SLC24A2: variants seen among roughly 807,000 people sequenced by gnomAD.
The protein encoded by SLC24A2 is sodium/potassium/calcium exchanger 2.
A neutral mutation model predicts 62.0 loss-of-function variants in SLC24A2; 36 were observed. That is an observed-to-expected ratio of 0.58 (90% CI 0.44 to 0.77). The LOEUF is 0.77. Ranked by LOEUF, SLC24A2 falls within the 30% of genes least tolerant of loss-of-function variation. SLC24A2 has a pLI of 0.00. For synonymous variants in SLC24A2, 358 were observed against 294.0 expected, an observed-to-expected ratio of 1.22 and a Z score of -2.23; for missense variants, 846 against 817.9, an observed-to-expected ratio of 1.03 and a Z score of -0.42.
chr9:20,127,035 T>C, the SLC24A2 span, among the ~76,000 whole-genome samples: 31 of 152,268 alleles, frequency 2.0e-4, no homozygotes, highest in African/African-American at 7.2e-4. Context: ...ATCTCTTTTT[T>C]TCTATAGATT....
chr9:19,565,224 T>G (rs1054323214), intron 7 of SLC24A2, among the ~76,000 whole-genome samples: 1 of 151,962 alleles, frequency 6.6e-6, no homozygotes, highest in Admixed American at 6.6e-5. Context: ...CCCCATTGTC[T>G]CAGCCCAAAA....
chr9:19,569,250 G>A (rs1297489699), intron 7 of SLC24A2, among the ~76,000 whole-genome samples: 1 of 152,148 alleles, frequency 6.6e-6, no homozygotes, highest in Admixed American at 6.5e-5. Context: ...TTGTCTCATG[G>A]GTCGTACAGA....
the SLC24A2 span, among the ~76,000 whole-genome samples, chr9:19,981,840 A>G: frequency 7.9e-5 from 12 of 152,144 alleles, no homozygotes; most frequent in African/African-American, 2.4e-4. Context: ...GTGTCTATTA[A>G]TATACATTTG....
the SLC24A2 span, among the ~76,000 whole-genome samples, chr9:20,063,638 A>G: frequency 2.6e-5 from 4 of 152,182 alleles, no homozygotes; most frequent in Non-Finnish European, 5.9e-5. Flanking sequence ...AACTTAAAGT[A>G]TAATAATAAA....
chr9:19,674,800 T>G (rs1819516698), intron 2 of SLC24A2, among the ~76,000 whole-genome samples: 1 of 152,202 alleles, frequency 6.6e-6, no homozygotes, highest in Admixed American at 6.5e-5. Context: ...GACTTCATCT[T>G]TCTCTGCTGC....
the SLC24A2 span, chr9:19,929,285 C>T: frequency 2.6e-5 from 4 of 152,182 alleles, no homozygotes; most frequent in Admixed American, 1.3e-4. Flanking sequence ...AGCCGGAAGT[C>T]CAAGATGCCC....
At chr9:19,811,822 G>A in the SLC24A2 span, among the ~76,000 whole-genome samples, 1 of 151,592 alleles carries the variant, frequency 6.6e-6, no homozygotes, top group African/African-American at 2.4e-5. Context: ...TATTATCATT[G>A]CTTTGTATAC....
Position 19,619,711 on chromosome 9 carries a change from G to A in SLC24A2, c.970-19C>T. On this transcript the variant is annotated intron_variant, in intron 3 of 10. Coordinates refer to ENST00000341998, the MANE Select transcript of SLC24A2 (RefSeq NM_020344.4). Reference sequence around the variant, plus strand: ...GCTTAGCCTGAGCAGAGAAACCAAAGAGATGGTTAGTCTCAGGAATGAAAG... The same window carrying A: ...GCTTAGCCTGAGCAGAGAAACCAAAAAGATGGTTAGTCTCAGGAATGAAAG... The A allele has an allele frequency of 6.4e-7, 1 of 1,568,114 alleles. No homozygotes were observed. Among genetic ancestry groups the A allele is most frequent in the Non-Finnish European group, 8.8e-7 (1 of 1,138,174 alleles).
chr9:19,522,999 C>A (rs185767079), intron 9 of SLC24A2, among the ~76,000 whole-genome samples: 2 of 152,094 alleles, frequency 1.3e-5, no homozygotes, highest in African/African-American at 4.8e-5. Context: ...TAATTAAATT[C>A]TTGGAGGGAA....
intron 8 of SLC24A2, among the ~76,000 whole-genome samples, chr9:19,535,682 T>C (rs1833928812): frequency 6.6e-6 from 1 of 152,218 alleles, no homozygotes; most frequent in African/African-American, 2.4e-5. Flanking sequence ...GTGTTATTTC[T>C]GAGGCCTCTG....
At chr9:19,554,241 A>C (rs1834975718) in intron 7 of SLC24A2, among the ~76,000 whole-genome samples, 1 of 152,214 alleles carries the variant, frequency 6.6e-6, no homozygotes, top group African/African-American at 2.4e-5. Context: ...AACCCTGCCA[A>C]ACACCTGCTG....
At chr9:20,291,191 G>T in the SLC24A2 span, among the ~76,000 whole-genome samples, 5 of 150,678 alleles carry the variant, frequency 3.3e-5, no homozygotes, top group Non-Finnish European at 2.9e-5. Flanking sequence ...AGCAAGCAAG[G>T]CTAGCAATAT....
chr9:19,731,056 C>G (rs1031799437), intron 2 of SLC24A2, among the ~76,000 whole-genome samples: 2 of 152,030 alleles, frequency 1.3e-5, no homozygotes, highest in Non-Finnish European at 2.9e-5. Context: ...TCAAAATAAG[C>G]CAGCATAAAA....
At chr9:20,186,354 T>C in the SLC24A2 span, among the ~76,000 whole-genome samples, 4 of 152,206 alleles carry the variant, frequency 2.6e-5, no homozygotes, top group East Asian at 5.8e-4. Context: ...CTTCTGACCA[T>C]TCTGACTGAG....
the SLC24A2 span, among the ~76,000 whole-genome samples, chr9:20,139,599 T>A: frequency 6.6e-6 from 1 of 152,228 alleles, no homozygotes; most frequent in African/African-American, 2.4e-5. Flanking sequence ...ATTCCACAAA[T>A]ATCTATGAAG....
At chr9:19,836,371 C>T in the SLC24A2 span, among the ~76,000 whole-genome samples, 322 of 152,066 alleles carry the variant, frequency 2.1e-3, 4 homozygotes, top group African/African-American at 4.9e-3. Flanking sequence ...ATTAAACAGA[C>T]GCAATAAAAA....
chr9:19,583,950 C>T (rs1466243552), intron 5 of SLC24A2, among the ~76,000 whole-genome samples: 1 of 152,138 alleles, frequency 6.6e-6, no homozygotes, highest in Non-Finnish European at 1.5e-5. Flanking sequence ...ACTCAATGTC[C>T]AACCTGAAGG....
At chr9:19,830,472 C>A in the SLC24A2 span, among the ~76,000 whole-genome samples, 1 of 152,270 alleles carries the variant, frequency 6.6e-6, no homozygotes, top group East Asian at 1.9e-4. Context: ...AATCAGGAAG[C>A]TGACTCTTAG....
the SLC24A2 span, among the ~76,000 whole-genome samples, chr9:19,845,526 A>G: frequency 6.6e-6 from 1 of 151,980 alleles, no homozygotes; most frequent in African/African-American, 2.4e-5. Flanking sequence ...GATTTTATTT[A>G]TGCTTTCAAA....
Sources: allele counts gnomAD v4.1 joint callset (sites outside exome capture counted in the v4.1 genomes callset), GRCh38; gene constraint gnomAD v4.1.1; transcripts MANE v1.5; gene names NCBI Gene and HGNC (gene_info 2026-07-23, HGNC 2026-07-21).